ADGRB3: variants seen among roughly 807,000 people sequenced by gnomAD.
ADGRB3 encodes adhesion G protein-coupled receptor B3.
ADGRB3 carries 37 observed loss-of-function variants against 193.4 expected under a neutral mutation model. That is an observed-to-expected ratio of 0.19 (90% CI 0.15 to 0.25). ADGRB3 has a LOEUF of 0.25. Among genes scored for constraint, ADGRB3 ranks in the 10% least tolerant of loss-of-function variants. The probability of loss-of-function intolerance (pLI) is 1.00; values close to 1 mark genes in which losing one functional copy is unlikely to be tolerated. For missense variants in ADGRB3, 1,637 were observed against 1,852.9 expected, an observed-to-expected ratio of 0.88 and a Z score of 2.14; for synonymous variants, 690 against 644.2, an observed-to-expected ratio of 1.07 and a Z score of -1.08.
chr6:69,210,581 A>C (rs1054590332), intron 17 of ADGRB3, among the ~76,000 whole-genome samples: 1 of 152,066 alleles, frequency 6.6e-6, no homozygotes, highest in Admixed American at 6.6e-5. Context: ...TTTTGTAGAG[A>C]TGGGGTCCTA....
Position 69,365,734 on chromosome 6 carries a change from C to T in ADGRB3, c.4239+4222C>T, listed in dbSNP as rs558503346. Reference sequence around the variant, plus strand: ...AATTTGTAATGGCCAGAAAGGACACCATTCTAGGCTAAATTTTTATACACC... The same window carrying T: ...AATTTGTAATGGCCAGAAAGGACACTATTCTAGGCTAAATTTTTATACACC... On this transcript the variant is annotated intron_variant, in intron 29 of 31. Transcript: ENST00000370598. 2.4e-4 allele frequency among the ~76,000 whole-genome samples: 37 copies of T among 152,076 alleles called. 1 individual carries two copies. In the South Asian group the frequency reaches 7.5e-3, roughly 31 times the overall value.
At chr6:69,195,343 A>G (rs1346178337) in intron 17 of ADGRB3, among the ~76,000 whole-genome samples, 1 of 152,012 alleles carries the variant, frequency 6.6e-6, no homozygotes, top group Admixed American at 6.6e-5. Context: ...CAGGCCTGGC[A>G]ACATAGTGGA....
At chr6:68,780,686 GT>G (rs916106117) in intron 3 of ADGRB3, among the ~76,000 whole-genome samples, 25 of 151,810 alleles carry the variant, frequency 1.6e-4, no homozygotes, top group Non-Finnish European at 3.4e-4. Context: ...AAGCACAAGG[GT>G]TTTTTTTAAC....
rs541355600 is a variant in ADGRB3, at chr6:69,388,959, G to T, written c.*68G>T. 5.5e-6 allele frequency: 8 copies of T among 1,459,416 alleles called. No homozygotes were observed. The African/African-American group carries it at 1.1e-4, about 21-fold the overall frequency. The allele number at this position is 1,459,416 out of a possible 1,614,324, so 90.4% of individuals were successfully genotyped here. A position where few individuals can be genotyped will look rare whatever the true frequency, so the allele number is the denominator to read the frequency against. On this transcript the variant is annotated 3_prime_UTR_variant, in exon 32 of 32. Transcript: ENST00000370598. The stretch of plus-strand genomic sequence containing the variant: ...CTGACACTTAAGACTTGGGAAGCCT[G>T]ACATTTCTATCTGGACAGTGTGACT...
At chr6:68,922,226 A>G (rs1415503086) in intron 3 of ADGRB3, among the ~76,000 whole-genome samples, 1 of 152,208 alleles carries the variant, frequency 6.6e-6, no homozygotes, top group African/African-American at 2.4e-5. Flanking sequence ...GTGGAATGTA[A>G]TGGGTGCTCA....
intron 6 of ADGRB3, among the ~76,000 whole-genome samples, chr6:68,946,130 T>G (rs577467342): frequency 1.4e-4 from 22 of 152,272 alleles, no homozygotes; most frequent in African/African-American, 5.3e-4. Context: ...ATAAAAGATG[T>G]AGAATTCTTA....
chr6:69,339,502 G>C lies in ADGRB3; in HGVS notation c.3457G>C (p.Glu1153Gln). The change falls in exon 26 of 32, where the codon GAG (glutamate) becomes CAG (glutamine). Residue 1153 changes from glutamate (E) to glutamine (Q), a missense_variant and splice_region_variant. This residue lies in a region of ADGRB3 where 116 missense variants were observed against 168.1 expected (regional missense o/e 0.69). Transcript: ENST00000370598. Reference protein sequence around the residue: ...IVMVHCILRREVQDAFRCRLR... With the variant: ...IVMVHCILRRQVQDAFRCRLR... ...CATGGTCCACTGCATTCTTCGGAGA[G>C]AGGTGAGAAGCATTCTTGTGATAGA... 6.2e-7 allele frequency: 1 copy of C among 1,612,530 alleles called. No homozygotes were observed. The highest frequency in any genetic ancestry group is 8.5e-7 in the Non-Finnish European group (1 of 1,178,810).
intron 3 of ADGRB3, among the ~76,000 whole-genome samples, chr6:68,656,281 C>G (rs1768488492): frequency 6.6e-6 from 1 of 151,436 alleles, no homozygotes; most frequent in Non-Finnish European, 1.5e-5. Context: ...TCTCTGTAGT[C>G]CTTTGTATTT....
intron 13 of ADGRB3, among the ~76,000 whole-genome samples, chr6:69,032,023 C>T (rs77695340): frequency 3.9e-5 from 6 of 152,120 alleles, no homozygotes; most frequent in Non-Finnish European, 7.4e-5. Flanking sequence ...AGAAGTGTTG[C>T]GTAAAGGGGT....
intron 17 of ADGRB3, among the ~76,000 whole-genome samples, chr6:69,103,053 G>A (rs1262185917): frequency 1.3e-5 from 2 of 152,022 alleles, no homozygotes; most frequent in African/African-American, 2.4e-5. Flanking sequence ...GAATGAACTT[G>A]TTACCATGGT....
At chr6:68,728,972 A>G (rs954326730) in intron 3 of ADGRB3, among the ~76,000 whole-genome samples, 1 of 151,602 alleles carries the variant, frequency 6.6e-6, no homozygotes, top group African/African-American at 2.4e-5. Context: ...AAGCATACAT[A>G]TACCTTTCCT....
intron 3 of ADGRB3, among the ~76,000 whole-genome samples, chr6:68,755,277 T>C (rs1766277062): frequency 6.6e-6 from 1 of 152,118 alleles, no homozygotes; most frequent in Non-Finnish European, 1.5e-5. Flanking sequence ...ACAGCAAATA[T>C]GCTGACATCA....
intron 3 of ADGRB3, among the ~76,000 whole-genome samples, chr6:68,839,846 C>T (rs955668644): frequency 3.3e-5 from 5 of 152,184 alleles, no homozygotes; most frequent in African/African-American, 1.2e-4. Flanking sequence ...CAACCCTCCC[C>T]TGTCTTATGG....
intron 10 of ADGRB3, 106 bp from the exon 11 acceptor site, chr6:68,993,662 T>TATTTTAAGTTAATTGAGCA: frequency 8.6e-7 from 1 of 1,160,058 alleles, no homozygotes; most frequent in East Asian, 2.4e-5. Context: ...ATTGCAAGGC[T>TATTTTAAGTTAATTGAGCA]ATTTTAAGTT....
chr6:69,135,790 G>A (rs985454707), intron 17 of ADGRB3, among the ~76,000 whole-genome samples: 1 of 151,996 alleles, frequency 6.6e-6, no homozygotes, highest in African/African-American at 2.4e-5. Flanking sequence ...ACAGACTATA[G>A]GGATTATCAG....
chr6:68,911,796 G>C (rs1486057125), intron 3 of ADGRB3, among the ~76,000 whole-genome samples: 1 of 149,028 alleles, frequency 6.7e-6, no homozygotes, highest in Non-Finnish European at 1.5e-5. Flanking sequence ...TTGAAAGTTG[G>C]CTTTTTGGAA....
intron 17 of ADGRB3, among the ~76,000 whole-genome samples, chr6:69,083,713 A>G (rs555033665): frequency 6.6e-6 from 1 of 151,958 alleles, no homozygotes; most frequent in African/African-American, 2.4e-5. Context: ...AGCATCGAAA[A>G]TGTGTAAAGG....
intron 15 of ADGRB3, among the ~76,000 whole-genome samples, chr6:69,062,246 T>C (rs141002428): frequency 1.3e-5 from 2 of 152,086 alleles, no homozygotes; most frequent in East Asian, 3.9e-4. Context: ...TTTATGTTTA[T>C]ATTGGTAGAT....
chr6:69,176,161 T>A (rs1775415132), intron 17 of ADGRB3, among the ~76,000 whole-genome samples: 1 of 152,206 alleles, frequency 6.6e-6, no homozygotes, highest in South Asian at 2.1e-4. Context: ...CAGCAAGTAC[T>A]TCCAGCACTA....
Sources: allele counts gnomAD v4.1 joint callset (sites outside exome capture counted in the v4.1 genomes callset), GRCh38; gene constraint gnomAD v4.1.1; regional missense constraint gnomAD v4.1.1; transcripts MANE v1.5; gene names NCBI Gene and HGNC (gene_info 2026-07-23, HGNC 2026-07-21).